The following MRPS18C variants were observed in gnomAD, a reference collection of about 807,000 sequenced individuals.
MRPS18C encodes mitochondrial ribosomal protein S18C.
In MRPS18C, 21 loss-of-function variants were observed where a neutral mutation model predicts 21.0. That is an observed-to-expected ratio of 1.00 (90% CI 0.71 to 1.44). The LOEUF (loss-of-function observed/expected upper bound fraction) is 1.44. Ranked by LOEUF, MRPS18C falls within the 40% of genes most tolerant of loss-of-function variation. The probability of loss-of-function intolerance (pLI) is 0.00; values close to 1 mark genes in which losing one functional copy is unlikely to be tolerated. For missense variants in MRPS18C, 152 were observed against 171.5 expected, an observed-to-expected ratio of 0.89 and a Z score of 0.64; for synonymous variants, 65 against 54.3, an observed-to-expected ratio of 1.20 and a Z score of -0.87.
At chr4:83,456,421 C>G (rs1035554431) in intron 1 of MRPS18C, among the ~76,000 whole-genome samples, 2 of 152,082 alleles carry the variant, frequency 1.3e-5, no homozygotes, top group Non-Finnish European at 2.9e-5. Flanking sequence ...CCTAAGATCT[C>G]TGGATAATCT....
At position 83,456,187 on chromosome 4, in the gene MRPS18C, C is replaced by G; in HGVS notation, c.100+10C>G. ...CCCGGGACTCACACGGGTAAAGTCT[C>G]CATATCCTATGCTCCATTGTAGCGC... On this transcript the variant is annotated intron_variant, in intron 1 of 5. Coordinates refer to ENST00000295491, the MANE Select transcript of MRPS18C (RefSeq NM_016067.4). 6.2e-7 allele frequency: 1 copy of G among 1,609,904 alleles called. No homozygotes were observed. Among genetic ancestry groups the G allele is most frequent in the Non-Finnish European group, 8.5e-7 (1 of 1,176,226 alleles).
chr4:83,460,524 G>A (rs1211572017), intron 4 of MRPS18C: 1 of 171,182 alleles, frequency 5.8e-6, no homozygotes, highest in African/African-American at 2.4e-5. Flanking sequence ...GCAGAGTTGA[G>A]TGGCAGTGAT....
rs1721799836 is a variant in MRPS18C at position 83,456,077 on chromosome 4, C to T, written c.-1C>T. The T allele has an allele frequency of 1.2e-6, 2 of 1,612,266 alleles. No homozygotes were observed. The highest frequency in any genetic ancestry group is 1.7e-5 in the Admixed American group (1 of 59,988). The stretch of plus-strand genomic sequence containing the variant: ...AAAGGAAGTGGAAGAAACGCGGAAC[C>T]ATGGCCGCTGTGGTTGCTGTTTGCG... On this transcript the variant is annotated 5_prime_UTR_variant, in exon 1 of 6. Transcript: ENST00000295491.
chr4:83,459,477 C>T (rs1721994342), intron 3 of MRPS18C: 1 of 330,398 alleles, frequency 3.0e-6, no homozygotes. Flanking sequence ...AGAAAGGTAT[C>T]TGTGGAAGTC....
At chr4:83,457,777 G>GGA (rs1425642486) in intron 2 of MRPS18C, 1 of 153,116 alleles carries the variant, frequency 6.5e-6, no homozygotes, top group African/African-American at 2.4e-5. Flanking sequence ...CCTCTATCCT[G>GGA]GAGACAGCCA....
chr4:83,457,172 G>A (rs956686997), intron 2 of MRPS18C: 3 of 429,838 alleles, frequency 7.0e-6, no homozygotes, highest in Middle Eastern at 5.9e-4. Flanking sequence ...TTTGAAGTAG[G>A]GGAATTCCTA....
rs1358198736 is a variant in MRPS18C at position 83,461,345 on chromosome 4, AGATT to A, written c.*150_*153del. On this transcript the variant is annotated 3_prime_UTR_variant, in exon 6 of 6. Transcript: ENST00000295491. The stretch of plus-strand genomic sequence containing the variant: ...CCCTTCATACCAATGTCCATTAAGC[AGATT>A]GCTTATTTAAAATGTTAACACTCAT... The A allele has an allele frequency of 1.6e-6, 1 of 637,732 alleles. No homozygotes were observed. Among genetic ancestry groups the A allele is most frequent in the African/African-American group, 1.8e-5 (1 of 54,856 alleles). 39.5% of individuals were successfully genotyped at this position (637,732 alleles called of 1,614,324 possible).
intron 3 of MRPS18C, chr4:83,459,528 C>A: frequency 2.2e-6 from 1 of 456,496 alleles, no homozygotes; most frequent in East Asian, 3.8e-5. Flanking sequence ...GCTGATTAAT[C>A]TGCTGTTTAA....
Position 83,461,375 on chromosome 4 carries a change from C to A in MRPS18C, c.*178C>A, listed in dbSNP as rs879067054. The stretch of plus-strand genomic sequence containing the variant: ...GCTTATTTAAAATGTTAACACTCAT[C>A]ACATTTTATCTATGTTGAATAAAAG... On this transcript the variant is annotated 3_prime_UTR_variant, in exon 6 of 6. Coordinates refer to ENST00000295491, the MANE Select transcript of MRPS18C (RefSeq NM_016067.4). The A allele has an allele frequency of 1.0e-4, 57 of 570,768 alleles. No homozygotes were observed. In the South Asian group the frequency reaches 1.2e-3, roughly 12 times the overall value. The allele number at this position is 570,768 out of a possible 1,614,324, so 35.4% of individuals were successfully genotyped here. A position where few individuals can be genotyped will look rare whatever the true frequency, so the allele number is the denominator to read the frequency against.
At chr4:83,458,266 G>A (rs1578117506) in intron 2 of MRPS18C, 80 bp from the exon 3 acceptor site, 2 of 968,438 alleles carry the variant, frequency 2.1e-6, no homozygotes, top group Non-Finnish European at 3.2e-6. Flanking sequence ...TCCTTTGAAT[G>A]GATTTGAATG....
At chr4:83,459,499 T>G (rs112494315) in intron 3 of MRPS18C, 1 of 373,822 alleles carries the variant, frequency 2.7e-6, no homozygotes, top group African/African-American at 2.1e-5. Context: ...AGAAAACAGA[T>G]TTACCATTGA....
chr4:83,456,083 C>A lies in MRPS18C; in HGVS notation c.6C>A (p.Ala2=), dbSNP rs760876096. Residue 2 remains alanine, a synonymous_variant, in exon 1 of 6, where the codon GCC becomes GCA. Coordinates refer to ENST00000295491, the MANE Select transcript of MRPS18C (RefSeq NM_016067.4). M[A]AVVAVCGGLG... The stretch of plus-strand genomic sequence containing the variant: ...AGTGGAAGAAACGCGGAACCATGGC[C>A]GCTGTGGTTGCTGTTTGCGGTGGTC... 1.2e-6 allele frequency: 2 copies of A among 1,612,448 alleles called. No individual in the cohort carries two copies. Among genetic ancestry groups the A allele is most frequent in the Middle Eastern group, 2.1e-4 (1 of 4,672 alleles).
Sources: allele counts gnomAD v4.1 joint callset (sites outside exome capture counted in the v4.1 genomes callset), GRCh38; gene constraint gnomAD v4.1.1; transcripts MANE v1.5; gene names NCBI Gene and HGNC (gene_info 2026-07-23, HGNC 2026-07-21).